Variants in ABCB4 observed in about 807,000 individuals in gnomAD.
ABCB4 encodes ATP binding cassette subfamily B member 4.
In ABCB4, 76 loss-of-function variants were observed where a neutral mutation model predicts 145.7. The ratio of observed to expected loss-of-function variants is 0.52; its 90% confidence interval spans 0.43 to 0.63. The LOEUF is 0.63. Among genes scored for constraint, ABCB4 ranks in the 30% least tolerant of loss-of-function variants. ABCB4 has a pLI of 0.00. For synonymous variants in ABCB4, 517 were observed against 566.8 expected, an observed-to-expected ratio of 0.91 and a Z score of 1.25; for missense variants, 1,234 against 1,553.1, an observed-to-expected ratio of 0.79 and a Z score of 3.45.
chr7:87,451,895 GA>G, intron 6 of ABCB4, 101 bp from the exon 7 acceptor site: 1 of 1,101,548 alleles, frequency 9.1e-7, no homozygotes, highest in Non-Finnish European at 1.4e-6. Context: ...TTTGTTCACT[GA>G]CTGCAAGCCT....
Position 87,452,980 on chromosome 7 carries a change from ATG to A in ABCB4, c.498_499del (p.Ile167GlnfsTer5). Reference sequence around the variant, plus strand: ...CGTATTGAGTTCAGTGGTGTCGTTGATGTCAAACCATCCTATTTCCTGTCGTA... The same window carrying A: ...CGTATTGAGTTCAGTGGTGTCGTTGATCAAACCATCCTATTTCCTGTCGTA... On this transcript the variant is annotated frameshift_variant, in exon 6 of 28. Transcript: ENST00000649586. LOFTEE classifies it high-confidence loss of function. 1 of 1,614,076 alleles carries A rather than the reference ATG, an allele frequency of 6.2e-7. No homozygotes were observed. Among genetic ancestry groups the A allele is most frequent in the Non-Finnish European group, 8.5e-7 (1 of 1,179,998 alleles).
chr7:87,379,125 G>A, the ABCB4 span, among the ~76,000 whole-genome samples: 1 of 152,078 alleles, frequency 6.6e-6, no homozygotes, highest in Non-Finnish European at 1.5e-5. Context: ...TTGTAAGGTG[G>A]TTAACTGCCC....
At chr7:87,382,129 A>G in the ABCB4 span, 6 of 1,613,712 alleles carry the variant, frequency 3.7e-6, no homozygotes, top group Non-Finnish European at 5.1e-6. Context: ...TTCATTGTGG[A>G]TGAGAAAGTT....
At chr7:87,387,931 G>T in the ABCB4 span, among the ~76,000 whole-genome samples, 1 of 152,172 alleles carries the variant, frequency 6.6e-6, no homozygotes, top group Non-Finnish European at 1.5e-5. Flanking sequence ...CAGCCTGGGC[G>T]ACAGAGCAAG....
intron 15 of ABCB4, among the ~76,000 whole-genome samples, chr7:87,428,335 T>C (rs1809977342): frequency 6.6e-6 from 1 of 152,162 alleles, no homozygotes; most frequent in Admixed American, 6.5e-5. Flanking sequence ...CCACCAGGTG[T>C]TAAAAAGTAT....
In ABCB4 at chr7:87,453,135, T is replaced by G; in HGVS notation, c.345A>C (p.Arg115Ser). 3 of 1,613,258 alleles carry G rather than the reference T, an allele frequency of 1.9e-6. No homozygotes were observed. The highest frequency in any genetic ancestry group is 2.5e-6 in the Non-Finnish European group (3 of 1,179,530). The change falls in exon 6 of 28, where the codon AGA (arginine) becomes AGC (serine). Residue 115 changes from arginine to serine, a missense_variant and splice_region_variant. Around this residue, in one of 7 missense-constraint regions of ABCB4, gnomAD observed 467 missense variants for 632.8 expected, o/e 0.74. Transcript: ENST00000649586. ...PGKILEEEMT[R>S]YAYYYSGLGA... The stretch of plus-strand genomic sequence containing the variant: ...CCAATCCTGAGTAGTAATATGCATA[T>G]CTGAAAAAAAAGAGAAAGGCTCTAT...
intron 5 of ABCB4, among the ~76,000 whole-genome samples, chr7:87,453,351 T>C (rs1811888072): frequency 6.6e-6 from 1 of 152,024 alleles, no homozygotes; most frequent in Admixed American, 6.6e-5. Context: ...ACCTGGCTAA[T>C]TTTTGTATTT....
chr7:87,377,780 A>G, the ABCB4 span, among the ~76,000 whole-genome samples: 1 of 152,162 alleles, frequency 6.6e-6, no homozygotes, highest in Non-Finnish European at 1.5e-5. Context: ...TATGTGTTCT[A>G]TGCAGAGCAA....
intron 24 of ABCB4, among the ~76,000 whole-genome samples, chr7:87,408,918 T>A (rs1355853235): frequency 6.6e-6 from 1 of 152,210 alleles, no homozygotes; most frequent in Non-Finnish European, 1.5e-5. Context: ...TAAAGTCAAA[T>A]TACTAATTGC....
the ABCB4 span, among the ~76,000 whole-genome samples, chr7:87,367,022 T>A: frequency 6.6e-6 from 1 of 152,224 alleles, no homozygotes; most frequent in African/African-American, 2.4e-5. Context: ...CTTCCCATCA[T>A]GACATTTACC....
intron 8 of ABCB4, among the ~76,000 whole-genome samples, chr7:87,449,385 C>T (rs187542703): frequency 1.3e-5 from 2 of 151,568 alleles, no homozygotes; most frequent in East Asian, 3.9e-4. Flanking sequence ...AATTATTTTC[C>T]TTTGTAACCC....
intron 17 of ABCB4, among the ~76,000 whole-genome samples, chr7:87,423,419 A>G (rs1809585335): frequency 6.6e-6 from 1 of 152,176 alleles, no homozygotes; most frequent in African/African-American, 2.4e-5. Flanking sequence ...TTACCTATAT[A>G]ATCTCTTAAT....
the ABCB4 span, chr7:87,382,587 G>A: frequency 1.3e-6 from 2 of 1,555,384 alleles, no homozygotes; most frequent in Non-Finnish European, 1.7e-6. Context: ...TGAAGTCCAA[G>A]GGTATATCTT....
At chr7:87,445,487 G>A (rs1172048478) in intron 9 of ABCB4, among the ~76,000 whole-genome samples, 1 of 152,116 alleles carries the variant, frequency 6.6e-6, no homozygotes, top group Non-Finnish European at 1.5e-5. Flanking sequence ...CCTTTACACA[G>A]TTATTCTGTA....
chr7:87,391,210 G>A, the ABCB4 span, among the ~76,000 whole-genome samples: 1 of 152,204 alleles, frequency 6.6e-6, no homozygotes, highest in Non-Finnish European at 1.5e-5. Flanking sequence ...AGCTCTCTTT[G>A]TAACCTAATT....
chr7:87,448,287 AAAAC>A (rs1811479508), intron 8 of ABCB4, among the ~76,000 whole-genome samples: 1 of 152,014 alleles, frequency 6.6e-6, no homozygotes, highest in African/African-American at 2.4e-5. Context: ...GTGACAAAAA[AAAAC>A]AAAAAACAAA....
the ABCB4 span, among the ~76,000 whole-genome samples, chr7:87,372,012 A>G: frequency 6.6e-6 from 1 of 151,304 alleles, no homozygotes; most frequent in Non-Finnish European, 1.5e-5. Flanking sequence ...AAAAACAAAA[A>G]AAAAAAAACA....
chr7:87,413,472 T>A, intron 22 of ABCB4, 145 bp downstream of exon 22: 1 of 646,640 alleles, frequency 1.5e-6, no homozygotes, highest in Non-Finnish European at 2.7e-6. Context: ...AAGCTACTTA[T>A]TTTCAGTGAC....
In ABCB4 at chr7:87,440,118, A is replaced by C. The variant is rs2116688366; in HGVS notation, c.1560+81T>G. 2.7e-6 allele frequency: 4 copies of C among 1,456,668 alleles called. No homozygotes were observed. The South Asian group carries it at 4.6e-5, about 17-fold the overall frequency. The allele number at this position is 1,456,668 out of a possible 1,614,324, so 90.2% of individuals were successfully genotyped here. A position where few individuals can be genotyped will look rare whatever the true frequency, so the allele number is the denominator to read the frequency against. Reference sequence around the variant, plus strand: ...ACAATCTTGCATCTCAAACATTATTAGCTAAACCTTTGAAGAATAAACTCA... The same window carrying C: ...ACAATCTTGCATCTCAAACATTATTCGCTAAACCTTTGAAGAATAAACTCA... On this transcript the variant is annotated intron_variant, in intron 13 of 27. Transcript: ENST00000649586.
Sources: gnomAD v4.1 joint callset for allele counts (sites outside exome capture counted in the v4.1 genomes callset) on GRCh38, gnomAD v4.1.1 for gene constraint, gnomAD v4.1.1 regional missense constraint, MANE v1.5 for transcripts, NCBI Gene and HGNC (gene_info 2026-07-23, HGNC 2026-07-21) for gene names.